TOX: variants seen among roughly 807,000 people sequenced by gnomAD.
TOX encodes the protein thymocyte selection-associated high mobility group box protein TOX.
In TOX, 11 loss-of-function variants were observed where a neutral mutation model predicts 53.7. The ratio of observed to expected loss-of-function variants is 0.20; its 90% CI spans 0.13 to 0.34. The LOEUF is 0.34. TOX is among the 10% of genes least tolerant of loss of function. The pLI, the probability that TOX is intolerant of heterozygous loss-of-function variation, is 1.00. For synonymous variants in TOX, 225 were observed against 245.3 expected (o/e 0.92, Z 0.77); for missense variants, 570 against 664.6 (o/e 0.86, Z 1.56).
intron 4 of TOX, among the ~76,000 whole-genome samples, chr8:58,847,714 G>T (rs760292888): frequency 3.3e-5 from 5 of 152,042 alleles, no homozygotes; most frequent in Non-Finnish European, 5.9e-5. Context: ...CCATGAAGCT[G>T]CAGGACACCA....
At chr8:59,079,207 A>G (rs1804351889) in intron 1 of TOX, among the ~76,000 whole-genome samples, 1 of 152,210 alleles carries the variant, frequency 6.6e-6, no homozygotes, top group African/African-American at 2.4e-5. Context: ...CTGGCCATGG[A>G]GCAGAGAAAG....
intron 1 of TOX, among the ~76,000 whole-genome samples, chr8:59,002,645 T>C (rs984794729): frequency 3.3e-5 from 5 of 151,448 alleles, no homozygotes; most frequent in African/African-American, 1.2e-4. Context: ...GCATATAAAA[T>C]GAACAACATT....
Position 59,118,845 on chromosome 8 carries a change from A to G in TOX, c.102+41T>C, listed in dbSNP as rs767664802. 2.7e-6 allele frequency: 4 copies of G among 1,496,882 alleles called. No individual in the cohort carries two copies. The Admixed American group carries it at 7.8e-5, about 29-fold the overall frequency. The allele number at this position is 1,496,882 out of a possible 1,614,324, so 92.7% of individuals were successfully genotyped here. ...CCACCGCCGCTCCCCTCCCAGGATC[A>G]AGCAGCAAGAACACGGTGGAAACAA... On this transcript the variant is annotated intron_variant, in intron 1 of 8. Coordinates refer to ENST00000361421, the MANE Select transcript of TOX (RefSeq NM_014729.3). The surrounding 1 kb of genome is among the most constrained non-coding windows in gnomAD (Gnocchi z 4.1).
At chr8:59,007,786 A>G (rs1389778731) in intron 1 of TOX, among the ~76,000 whole-genome samples, 1 of 152,214 alleles carries the variant, frequency 6.6e-6, no homozygotes, top group Non-Finnish European at 1.5e-5. Flanking sequence ...AATATTCTCT[A>G]GAGATATTAA....
chr8:59,063,571 A>G (rs1804030754), intron 1 of TOX, among the ~76,000 whole-genome samples: 1 of 151,652 alleles, frequency 6.6e-6, no homozygotes, highest in Admixed American at 6.6e-5. Context: ...CTACAGGTGC[A>G]TGCCACCACG....
intron 3 of TOX, among the ~76,000 whole-genome samples, chr8:58,913,654 TTTTTA>T (rs1490031794): frequency 6.6e-6 from 1 of 152,224 alleles, no homozygotes; most frequent in Non-Finnish European, 1.5e-5. Flanking sequence ...TTCATAAAAT[TTTTTA>T]TTTTTTTACA....
chr8:59,104,681 A>G lies in TOX; in HGVS notation c.102+14205T>C, dbSNP rs567010551. Among the ~76,000 whole-genome samples the G allele has an allele frequency of 3.9e-5, 6 of 152,276 alleles. No individual in the cohort carries two copies. The East Asian group carries it at 1.2e-3, about 29-fold the overall frequency. Reference sequence around the variant, plus strand: ...ATGTTAATTCAAATAGCCCTATTGTATGTGTGGCTTTTATTTTGAGTTATC... The same window carrying G: ...ATGTTAATTCAAATAGCCCTATTGTGTGTGTGGCTTTTATTTTGAGTTATC... On this transcript the variant is annotated intron_variant, in intron 1 of 8. Transcript: ENST00000361421.
At chr8:59,092,293 TTATA>T (rs1403765470) in intron 1 of TOX, among the ~76,000 whole-genome samples, 2 of 113,492 alleles carry the variant, frequency 1.8e-5, no homozygotes, top group East Asian at 4.3e-4. Flanking sequence ...TATATATACA[TTATA>T]TATATTATAT....
intron 1 of TOX, among the ~76,000 whole-genome samples, chr8:59,113,399 T>A (rs1328637244): frequency 6.6e-6 from 1 of 152,116 alleles, no homozygotes; most frequent in Non-Finnish European, 1.5e-5. Context: ...ATTGTATAAC[T>A]CCACATCATC....
chr8:58,872,121 A>G lies in TOX; in HGVS notation c.412-20316T>C, dbSNP rs546976025. ...AAATACAAAACCAAACAATATACACACACATACAGAGTGGTGAGTGTTTGC... is the reference window on the plus strand; with the variant it reads ...AAATACAAAACCAAACAATATACACGCACATACAGAGTGGTGAGTGTTTGC... On this transcript the variant is annotated intron_variant, in intron 3 of 8. Coordinates refer to ENST00000361421, the MANE Select transcript of TOX (RefSeq NM_014729.3). 4.3e-4 allele frequency among the ~76,000 whole-genome samples: 66 copies of G among 152,240 alleles called. 1 individual carries two copies. Among genetic ancestry groups the G allele is most frequent in the Middle Eastern group, 6.8e-3 (2 of 294 alleles).
chr8:59,021,461 A>G (rs1814128608), intron 1 of TOX, among the ~76,000 whole-genome samples: 1 of 76,744 alleles, frequency 1.3e-5, no homozygotes, highest in African/African-American at 4.4e-5. Context: ...TTTTTCTACA[A>G]GCAAAAAAAA....
chr8:58,996,744 T>C (rs1166806727), intron 1 of TOX, among the ~76,000 whole-genome samples: 1 of 152,238 alleles, frequency 6.6e-6, no homozygotes, highest in East Asian at 1.9e-4. Context: ...TTTATGCCCA[T>C]TAGAAAACTA....
At chr8:58,882,808 G>A (rs1811405753) in intron 3 of TOX, among the ~76,000 whole-genome samples, 1 of 152,168 alleles carries the variant, frequency 6.6e-6, no homozygotes, top group Admixed American at 6.5e-5. Flanking sequence ...TGAGTGCATT[G>A]GGAAAAGAGT....
At chr8:58,874,351 G>GA (rs1811250335) in intron 3 of TOX, among the ~76,000 whole-genome samples, 1 of 152,026 alleles carries the variant, frequency 6.6e-6, no homozygotes, top group African/African-American at 2.4e-5. Context: ...AAGAGTGAGA[G>GA]ATGTTTTGAG....
At chr8:58,864,007 T>C (rs559699281) in intron 3 of TOX, among the ~76,000 whole-genome samples, 5 of 152,142 alleles carry the variant, frequency 3.3e-5, no homozygotes, top group South Asian at 4.1e-4. Context: ...AGAAGGTACA[T>C]GAGTAGAATT....
chr8:59,105,122 T>A (rs77188317), intron 1 of TOX, among the ~76,000 whole-genome samples: 6 of 152,134 alleles, frequency 3.9e-5, no homozygotes, highest in Admixed American at 1.3e-4. Flanking sequence ...AAATTTTTTT[T>A]AAGAAGTTGA....
At chr8:59,005,517 T>C (rs989649541) in intron 1 of TOX, among the ~76,000 whole-genome samples, 14 of 152,330 alleles carry the variant, frequency 9.2e-5, no homozygotes, top group Middle Eastern at 3.4e-3. Flanking sequence ...ATTTTACTTA[T>C]CACACTGTTA....
chr8:58,919,075 A>T (rs1291513736), intron 3 of TOX, among the ~76,000 whole-genome samples: 1 of 149,314 alleles, frequency 6.7e-6, no homozygotes, highest in East Asian at 2.0e-4. Context: ...CAAATGGAAG[A>T]ACATTCCATG....
intron 1 of TOX, among the ~76,000 whole-genome samples, chr8:59,029,294 T>C (rs895687354): frequency 6.9e-6 from 1 of 145,600 alleles, no homozygotes; most frequent in Non-Finnish European, 1.5e-5. Context: ...TTAACAGCTC[T>C]TGACTGGAAA....
Sources: gnomAD v4.1 joint callset for allele counts (sites outside exome capture counted in the v4.1 genomes callset) on GRCh38, gnomAD v4.1.1 for gene constraint, Gnocchi (gnomAD v3.1) non-coding constraint, MANE v1.5 for transcripts, NCBI Gene and HGNC (gene_info 2026-07-23, HGNC 2026-07-21) for gene names.